ZBTB46: variants seen among roughly 807,000 people sequenced by gnomAD.
The protein encoded by ZBTB46 is zinc finger and BTB domain containing 46, also known as zinc finger and BTB domain-containing protein 46.
A neutral mutation model predicts 44.1 loss-of-function variants in ZBTB46; 8 were observed. The observed-to-expected ratio is 0.18, with a 90% CI of 0.11 to 0.33. The LOEUF (loss-of-function observed/expected upper bound fraction) is 0.33. Ranked by LOEUF, ZBTB46 falls within the 10% of genes least tolerant of loss-of-function variation. The pLI is 1.00. For synonymous variants in ZBTB46, 409 were observed against 382.3 expected, an observed-to-expected ratio of 1.07 and a Z score of -0.81; for missense variants, 651 against 847.7, an observed-to-expected ratio of 0.77 and a Z score of 2.88.
At chr20:63,816,842 C>T (rs1313118372) in intron 1 of ZBTB46, among the ~76,000 whole-genome samples, 2 of 152,160 alleles carry the variant, frequency 1.3e-5, no homozygotes, top group Non-Finnish European at 1.5e-5. Context: ...CGGTGGCTCA[C>T]GCCTGTAATC....
chr20:63,818,404 G>A (rs935572794), intron 1 of ZBTB46, among the ~76,000 whole-genome samples: 3 of 152,210 alleles, frequency 2.0e-5, no homozygotes, highest in Non-Finnish European at 2.9e-5. Context: ...GGAGAGCAGC[G>A]CAGTGCCGCC....
chr20:63,764,950 G>C (rs1426838057), intron 3 of ZBTB46, among the ~76,000 whole-genome samples: 1 of 150,376 alleles, frequency 6.6e-6, no homozygotes, highest in African/African-American at 2.5e-5. Flanking sequence ...ACGGAGTCTT[G>C]CTCTCTCACC....
intron 1 of ZBTB46, among the ~76,000 whole-genome samples, chr20:63,814,329 G>A (rs551992932): frequency 3.9e-5 from 6 of 152,208 alleles, no homozygotes; most frequent in Non-Finnish European, 7.4e-5. Flanking sequence ...GAGCACTGGG[G>A]GTTCCCGCAG....
At chr20:63,774,139 C>T (rs933467430) in intron 3 of ZBTB46, among the ~76,000 whole-genome samples, 7 of 144,100 alleles carry the variant, frequency 4.9e-5, no homozygotes, top group African/African-American at 1.6e-4. Flanking sequence ...CAGCTTGTCC[C>T]GTCTGTGCAG....
intron 3 of ZBTB46, among the ~76,000 whole-genome samples, chr20:63,762,145 C>G (rs990974661): frequency 6.6e-6 from 1 of 152,128 alleles, no homozygotes; most frequent in African/African-American, 2.4e-5. Flanking sequence ...TCCAATAATA[C>G]AGAAAAAGAA....
intron 2 of ZBTB46, among the ~76,000 whole-genome samples, chr20:63,789,060 A>G: frequency 6.7e-6 from 1 of 150,008 alleles, no homozygotes; most frequent in East Asian, 2.0e-4. Flanking sequence ...CAGGTGATCC[A>G]CCCACCTCAG....
Position 63,789,855 on chromosome 20 carries a change from C to T in ZBTB46, c.903G>A (p.Pro301=), listed in dbSNP as rs1326993658. ...GGCTGCTGAACGGCCACCCCGACGT[C>T]GGCAGGAAGGACGGCACCGGGGAGC... ...RASSPVPSFL[P]TSGWPFSSRD... The change falls in exon 2 of 5, where the codon CCG becomes CCA. Residue 301 remains proline (P), a synonymous_variant. Coordinates refer to ENST00000245663, the MANE Select transcript of ZBTB46 (RefSeq NM_001369741.1). 7 of 1,612,524 alleles carry T rather than the reference C, an allele frequency of 4.3e-6. No homozygotes were observed. The highest frequency in any genetic ancestry group is 2.2e-5 in the East Asian group (1 of 44,882).
chr20:63,788,613 T>C (rs1269745641), intron 2 of ZBTB46, among the ~76,000 whole-genome samples: 1 of 151,650 alleles, frequency 6.6e-6, no homozygotes, highest in Non-Finnish European at 1.5e-5. Flanking sequence ...CTGAGGTGGG[T>C]GGATCACCTG....
At chr20:63,794,613 A>G (rs6011118) in intron 1 of ZBTB46, among the ~76,000 whole-genome samples, 12,513 of 152,320 alleles carry the variant, frequency 0.082, 953 homozygotes, top group East Asian at 0.43. Flanking sequence ...TTTCAAATTC[A>G]ATAATCTCTC....
chr20:63,800,207 G>C (rs1011267234), intron 1 of ZBTB46, among the ~76,000 whole-genome samples: 1 of 152,134 alleles, frequency 6.6e-6, no homozygotes, highest in Non-Finnish European at 1.5e-5. Context: ...CACGCCACAC[G>C]GATTATCCCA....
In ZBTB46 at chr20:63,752,656, G is replaced by GCGCGGCA. The variant is rs762069132; in HGVS notation, c.1398+23_1398+29dup. On this transcript the variant is annotated intron_variant, in intron 4 of 4. Coordinates refer to ENST00000245663, the MANE Select transcript of ZBTB46 (RefSeq NM_001369741.1). This position sits in a 1 kb window ranked among gnomAD's most constrained non-coding sequence, Gnocchi z 5.6. The stretch of plus-strand genomic sequence containing the variant: ...CCCGGACATCGTGGCCACGCGCAGC[G>GCGCGGCA]CGCGGCACGCGGACCCTCCCCGCAC... The GCGCGGCA allele has an allele frequency of 7.3e-6, 11 of 1,498,244 alleles. No individual in the cohort carries two copies. The highest frequency in any genetic ancestry group is 4.1e-5 in the Admixed American group (2 of 48,982). 92.8% of individuals were successfully genotyped at this position (1,498,244 alleles called of 1,614,324 possible).
rs149888037 is a variant in ZBTB46 at position 63,760,571 on chromosome 20, C to T, written c.1223-7710G>A. 4.5e-3 allele frequency among the ~76,000 whole-genome samples: 682 copies of T among 151,980 alleles called. 6 individuals are homozygous for T. The highest frequency in any genetic ancestry group is 0.016 in the African/African-American group (643 of 41,438). ...AGCTCCGCCTCCTGGGTTCTCCTGC[C>T]TCAGCCTCCCGAGTAGCTAGGATTA... On this transcript the variant is annotated intron_variant, in intron 3 of 4. Transcript: ENST00000245663.
At chr20:63,769,513 G>T in intron 3 of ZBTB46, 2 of 904,554 alleles carry the variant, frequency 2.2e-6, no homozygotes, top group Non-Finnish European at 1.3e-6. Flanking sequence ...CAAGGGTCTC[G>T]CTGGAGGCAG....
chr20:63,833,350 G>T (rs1162391180), upstream of ZBTB46, among the ~76,000 whole-genome samples: 1 of 152,226 alleles, frequency 6.6e-6, no homozygotes, highest in Non-Finnish European at 1.5e-5. Context: ...CCAGCACTTT[G>T]GGAGGCCGAG....
intron 3 of ZBTB46, among the ~76,000 whole-genome samples, chr20:63,768,948 GA>G (rs534255729): frequency 2.6e-5 from 4 of 152,248 alleles, no homozygotes; most frequent in South Asian, 2.1e-4. Flanking sequence ...TACATTAAGG[GA>G]AAAAAATTGC....
intron 1 of ZBTB46, among the ~76,000 whole-genome samples, chr20:63,826,422 C>T (rs569001259): frequency 2.0e-5 from 3 of 152,302 alleles, no homozygotes; most frequent in African/African-American, 4.8e-5. Context: ...CAATGACAGG[C>T]CCAGAGAAGA....
upstream of ZBTB46, among the ~76,000 whole-genome samples, chr20:63,832,283 GC>G (rs1283350762): frequency 6.6e-6 from 1 of 152,144 alleles, no homozygotes; most frequent in African/African-American, 2.4e-5. This position sits in a 1 kb window ranked among gnomAD's most constrained non-coding sequence, Gnocchi z 5.0. Context: ...TTCCTGGCCG[GC>G]CTGCGCAGGG....
intron 1 of ZBTB46, among the ~76,000 whole-genome samples, chr20:63,809,261 G>A (rs951574438): frequency 6.6e-6 from 1 of 152,190 alleles, no homozygotes; most frequent in Non-Finnish European, 1.5e-5. Context: ...GCCCCGCCGT[G>A]GGCCACGCCC....
At chr20:63,832,400 G>A (rs1445852023), upstream of ZBTB46, among the ~76,000 whole-genome samples, 4 of 152,096 alleles carry the variant, frequency 2.6e-5, no homozygotes, top group East Asian at 7.7e-4. This position sits in a 1 kb window ranked among gnomAD's most constrained non-coding sequence, Gnocchi z 5.0. Flanking sequence ...AACCAATGGG[G>A]AGGCGCCCGG....
Sources: allele counts gnomAD v4.1 joint callset (sites outside exome capture counted in the v4.1 genomes callset), GRCh38; gene constraint gnomAD v4.1.1; non-coding constraint Gnocchi (gnomAD v3.1); transcripts MANE v1.5; gene names NCBI Gene and HGNC (gene_info 2026-07-23, HGNC 2026-07-21).